HGF: variants seen among roughly 807,000 people sequenced by gnomAD.
HGF encodes the protein hepatocyte growth factor.
HGF carries 39 observed loss-of-function variants against 111.6 expected under a neutral mutation model. That is an observed-to-expected ratio of 0.35 (90% CI 0.27 to 0.46). The LOEUF is 0.46. Ranked by LOEUF, HGF falls within the 20% of genes least tolerant of loss-of-function variation. The probability of loss-of-function intolerance (pLI) is 1.00; values close to 1 mark genes in which losing one functional copy is unlikely to be tolerated. For missense variants in HGF, 735 were observed against 910.5 expected (o/e 0.81, Z 2.48); for synonymous variants, 285 against 294.8 (o/e 0.97, Z 0.34).
rs149957557 is a variant in HGF at position 81,754,880 on chromosome 7, C to G, written c.482+2309G>C. Among the ~76,000 whole-genome samples the G allele has an allele frequency of 4.3e-3, 661 of 152,176 alleles. 9 individuals carry two copies. The highest frequency in any genetic ancestry group is 0.015 in the African/African-American group (634 of 41,556). ...CATTACACACAAAGCATGTGCCAGTCAGCAGATTCTGTAATAAGCATTTAT... is the reference window on the plus strand; with the variant it reads ...CATTACACACAAAGCATGTGCCAGTGAGCAGATTCTGTAATAAGCATTTAT... On this transcript the variant is annotated intron_variant, in intron 4 of 17. Transcript: ENST00000222390.
intron 7 of HGF, among the ~76,000 whole-genome samples, chr7:81,732,859 C>T (rs957133617): frequency 6.6e-6 from 1 of 152,016 alleles, no homozygotes; most frequent in Non-Finnish European, 1.5e-5. Flanking sequence ...TTACCAAAAC[C>T]CCAAGTCAAA....
At chr7:81,737,795 T>C (rs763417482) in intron 7 of HGF, among the ~76,000 whole-genome samples, 6 of 152,112 alleles carry the variant, frequency 3.9e-5, no homozygotes, top group Non-Finnish European at 7.4e-5. Context: ...ATTTCTAATA[T>C]AGAAAAACAT....
chr7:81,728,594 C>T (rs1199128889), intron 8 of HGF, among the ~76,000 whole-genome samples: 2 of 152,036 alleles, frequency 1.3e-5, no homozygotes, highest in Non-Finnish European at 2.9e-5. Flanking sequence ...GGAAATAAAC[C>T]CAGCATGACA....
chr7:81,738,624 GGAA>G (rs949911907), intron 7 of HGF, among the ~76,000 whole-genome samples: 19 of 152,218 alleles, frequency 1.2e-4, no homozygotes, highest in African/African-American at 4.6e-4. Flanking sequence ...ATAGAAGCTT[GGAA>G]GCAAAGTGAC....
In HGF at chr7:81,702,760, A is replaced by T; in HGVS notation, c.2011-3T>A. ...ACAAGTGGGCCACCATAATCCCCCT[A>T]GGAGTAAGACATACAAAAACAAAGT... On this transcript the variant is annotated splice_polypyrimidine_tract_variant and splice_region_variant and intron_variant, in intron 17 of 17. Transcript: ENST00000222390. 6.2e-7 allele frequency: 1 copy of T among 1,610,174 alleles called. No individual in the cohort carries two copies. The highest frequency in any genetic ancestry group is 2.2e-5 in the East Asian group (1 of 44,760).
intron 5 of HGF, among the ~76,000 whole-genome samples, chr7:81,747,802 G>A (rs1361114342): frequency 2.6e-5 from 4 of 152,100 alleles, no homozygotes; most frequent in African/African-American, 4.8e-5. Context: ...GTCTGGTGGT[G>A]CGTGCCTGTA....
intron 11 of HGF, among the ~76,000 whole-genome samples, chr7:81,716,240 C>T (rs1038867532): frequency 1.3e-5 from 2 of 152,114 alleles, no homozygotes; most frequent in Non-Finnish European, 2.9e-5. Flanking sequence ...TACTACTAAA[C>T]ATGCTACAAT....
At chr7:81,753,563 C>T (rs1269065245) in intron 4 of HGF, among the ~76,000 whole-genome samples, 2 of 151,868 alleles carry the variant, frequency 1.3e-5, no homozygotes, top group Non-Finnish European at 2.9e-5. Context: ...TACAGGTATG[C>T]GTCATGTACC....
intron 9 of HGF, among the ~76,000 whole-genome samples, chr7:81,721,706 G>T (rs1789869021): frequency 6.6e-6 from 1 of 152,122 alleles, no homozygotes; most frequent in Admixed American, 6.5e-5. Flanking sequence ...GTGATGCTTT[G>T]TCCTTTTTAG....
chr7:81,742,729 C>T, intron 7 of HGF: 1 of 1,427,802 alleles, frequency 7.0e-7, no homozygotes, highest in Non-Finnish European at 9.2e-7. Flanking sequence ...TTCAGAAAAG[C>T]TAGGTAAGGG....
At chr7:81,726,380 C>T (rs1386478535) in intron 8 of HGF, among the ~76,000 whole-genome samples, 1 of 152,142 alleles carries the variant, frequency 6.6e-6, no homozygotes, top group Non-Finnish European at 1.5e-5. Context: ...ATTACATGTT[C>T]ATGGCCCACA....
At chr7:81,733,406 T>C (rs1391865545) in intron 7 of HGF, among the ~76,000 whole-genome samples, 1 of 151,936 alleles carries the variant, frequency 6.6e-6, no homozygotes, top group Non-Finnish European at 1.5e-5. Flanking sequence ...TTTTTAAAAA[T>C]AAATATCCAT....
At chr7:81,705,193 T>G (rs1421771450) in intron 17 of HGF, among the ~76,000 whole-genome samples, 197 bp downstream of exon 17, 3 of 151,930 alleles carry the variant, frequency 2.0e-5, no homozygotes, top group African/African-American at 7.2e-5. Flanking sequence ...CATAGTTTGC[T>G]GCTAATAAAA....
At chr7:81,741,589 G>C (rs1353162548) in intron 7 of HGF, among the ~76,000 whole-genome samples, 1 of 135,954 alleles carries the variant, frequency 7.4e-6, no homozygotes, top group African/African-American at 2.5e-5. Flanking sequence ...GTGTCTGTGT[G>C]TGTGTGTGTG....
At chr7:81,751,774 T>C in intron 5 of HGF, 1 of 1,106,804 alleles carries the variant, frequency 9.0e-7, no homozygotes, top group Non-Finnish European at 1.1e-6. Flanking sequence ...AATGAAAGGC[T>C]AAGCTTCATT....
At chr7:81,736,007 C>T (rs1185788140) in intron 7 of HGF, among the ~76,000 whole-genome samples, 1 of 152,056 alleles carries the variant, frequency 6.6e-6, no homozygotes, top group Non-Finnish European at 1.5e-5. Flanking sequence ...AATATAGTCA[C>T]AATGGGAGTT....
Position 81,752,187 on chromosome 7 carries a change from TC to T in HGF, c.557del (p.Gly186AspfsTer27). The T allele has an allele frequency of 6.2e-7, 1 of 1,613,418 alleles. No individual in the cohort carries two copies. The highest frequency in any genetic ancestry group is 1.7e-5 in the Admixed American group (1 of 59,948). The part of the protein sequence containing the change: ...YCRNPRGEEG[G>X]PWCFTSNPEV... ...CTGGATTGCTTGTGAAACACCAGGG[TC>T]CCCCTTCTTCCCCTCGAGGATTTCG... On this transcript the variant is annotated frameshift_variant, in exon 5 of 18. Coordinates refer to ENST00000222390, the MANE Select transcript of HGF (RefSeq NM_000601.6). LOFTEE classifies it high-confidence loss of function.
intron 7 of HGF, 130 bp from the exon 8 acceptor site, chr7:81,729,909 T>G: frequency 1.5e-6 from 1 of 687,610 alleles, no homozygotes; most frequent in South Asian, 2.0e-5. Flanking sequence ...TTTATAATAA[T>G]TGAGTGGAAT....
At chr7:81,743,212 T>G in intron 7 of HGF, 141 bp downstream of exon 7, 1 of 748,580 alleles carries the variant, frequency 1.3e-6, no homozygotes, top group East Asian at 2.5e-5. Flanking sequence ...GGTAGGATTA[T>G]GTAACACATT....
Sources: gnomAD v4.1 joint callset for allele counts (sites outside exome capture counted in the v4.1 genomes callset) on GRCh38, gnomAD v4.1.1 for gene constraint, MANE v1.5 for transcripts, NCBI Gene and HGNC (gene_info 2026-07-23, HGNC 2026-07-21) for gene names.